MTERF3: variants seen among roughly 807,000 people sequenced by gnomAD.
MTERF3 encodes mitochondrial transcription termination factor 3.
MTERF3 carries 40 observed loss-of-function variants against 40.5 expected under a neutral mutation model. The observed-to-expected ratio is 0.99, with a 90% CI of 0.77 to 1.29. The LOEUF is 1.29. Ranked by LOEUF, MTERF3 falls within the 50% of genes most tolerant of loss-of-function variation. MTERF3 has a pLI of 0.00. For synonymous variants in MTERF3, 158 were observed against 166.6 expected (o/e 0.95, Z 0.40); for missense variants, 452 against 478.2 (o/e 0.95, Z 0.51).
chr8:96,246,617 G>A (rs567697515), intron 4 of MTERF3, among the ~76,000 whole-genome samples, 163 bp from the exon 5 acceptor site: 12 of 152,166 alleles, frequency 7.9e-5, no homozygotes, highest in Non-Finnish European at 1.2e-4. Flanking sequence ...GCAAAAACAC[G>A]TTTAAAACAA....
At position 96,243,933 on chromosome 8, in the gene MTERF3, C is replaced by T; in HGVS notation, c.1045G>A (p.Val349Ile). ...AGTGGCATTACCTGTGGGAACTTGA[C>T]AATGATGTGGTGGGGAATGCTCATC... Reference protein sequence around the residue: ...NVMSIPHHIIVKFPQVFNTRL... With the variant: ...NVMSIPHHIIIKFPQVFNTRL... The change falls in exon 7 of 8, where the codon GTC becomes ATC. Residue 349 changes from valine (V) to isoleucine (I), a missense_variant. Coordinates refer to ENST00000287025, the MANE Select transcript of MTERF3 (RefSeq NM_015942.5). The T allele has an allele frequency of 6.2e-7, 1 of 1,613,746 alleles. No homozygotes were observed. The highest frequency in any genetic ancestry group is 8.5e-7 in the Non-Finnish European group (1 of 1,179,870).
chr8:96,250,681 A>AGG (rs1586169109), intron 4 of MTERF3, among the ~76,000 whole-genome samples: 4 of 23,340 alleles, frequency 1.7e-4, no homozygotes, highest in African/African-American at 5.3e-4. Flanking sequence ...GAAGAAGAAG[A>AGG]AGGAGGAGGA....
At chr8:96,241,990 A>G (rs1371653082) in intron 7 of MTERF3, among the ~76,000 whole-genome samples, 1 of 152,186 alleles carries the variant, frequency 6.6e-6, no homozygotes, top group Non-Finnish European at 1.5e-5. Flanking sequence ...TGAAATGACT[A>G]AATTGATCAT....
intron 7 of MTERF3, among the ~76,000 whole-genome samples, chr8:96,243,672 A>C (rs1809968774): frequency 6.6e-6 from 1 of 152,218 alleles, no homozygotes; most frequent in Non-Finnish European, 1.5e-5. Context: ...TTCCAAAGTA[A>C]AGTAGAGAAA....
chr8:96,258,788 C>A, intron 1 of MTERF3, 88 bp from the exon 2 acceptor site: 1 of 1,012,634 alleles, frequency 9.9e-7, no homozygotes. Flanking sequence ...AAAAGATAAA[C>A]TGGAAATTAT....
At chr8:96,245,298 T>C (rs754167791) in intron 6 of MTERF3, among the ~76,000 whole-genome samples, 3 of 152,194 alleles carry the variant, frequency 2.0e-5, no homozygotes, top group Non-Finnish European at 2.9e-5. Context: ...ATATACTAAC[T>C]AGTCAGCTGC....
At chr8:96,248,012 A>G (rs1810054065) in intron 4 of MTERF3, among the ~76,000 whole-genome samples, 1 of 152,268 alleles carries the variant, frequency 6.6e-6, no homozygotes, top group Admixed American at 6.5e-5. Flanking sequence ...TGATGCTCCA[A>G]CCAACAAATA....
intron 2 of MTERF3, among the ~76,000 whole-genome samples, chr8:96,257,720 A>C (rs1345496906): frequency 6.6e-6 from 1 of 152,200 alleles, no homozygotes; most frequent in Non-Finnish European, 1.5e-5. Context: ...CCTTAAGCTA[A>C]GGAATCAGGT....
chr8:96,243,837 C>T (rs1010726113), intron 7 of MTERF3, 82 bp downstream of exon 7: 35 of 1,419,702 alleles, frequency 2.5e-5, no homozygotes, highest in Middle Eastern at 1.8e-4. Context: ...CTCTTCCCAG[C>T]GTACAGAACT....
At chr8:96,250,621 AAGAAGAAG>A (rs1810135063) in intron 4 of MTERF3, among the ~76,000 whole-genome samples, 1 of 13,726 alleles carries the variant, frequency 7.3e-5, no homozygotes. Flanking sequence ...GAGGCAGAAG[AAGAAGAAG>A]AAGAAGAAGA....
rs1010953135 is a variant in MTERF3 at position 96,250,556 on chromosome 8, C to A, written c.677+350G>T. On this transcript the variant is annotated intron_variant, in intron 4 of 7. Coordinates refer to ENST00000287025, the MANE Select transcript of MTERF3 (RefSeq NM_015942.5). ...CGAAACCCCATCTCTCCTAAAAATACAAAAATTAGCCAGGCATGGTGGCCA... is the reference window on the plus strand; with the variant it reads ...CGAAACCCCATCTCTCCTAAAAATAAAAAAATTAGCCAGGCATGGTGGCCA... Among the ~76,000 whole-genome samples the A allele has an allele frequency of 2.1e-5, 3 of 143,490 alleles. No individual in the cohort carries two copies. In the South Asian group the frequency reaches 6.9e-4, roughly 33 times the overall value. The allele number at this position is 143,490 out of a possible 152,430, so 94.1% of individuals were successfully genotyped here.
intron 1 of MTERF3, among the ~76,000 whole-genome samples, chr8:96,261,243 C>T (rs1810380622): frequency 6.6e-6 from 1 of 152,214 alleles, no homozygotes; most frequent in African/African-American, 2.4e-5. Flanking sequence ...GCCATTTTAG[C>T]CCACTTCAGT....
In MTERF3 at chr8:96,258,369, G is replaced by A; in HGVS notation, c.322C>T (p.Leu108=). ...TQNISSFDSE[L]FLEELDELPP... is the part of the protein sequence containing the mutation. ...AGTTCAGAATTACCTTCTAGAAACA[G>A]CTCAGAATCAAAGCTGGATATATTT... The change falls in exon 2 of 8, where the codon CTG becomes TTG. Residue 108 remains leucine, a synonymous_variant. Coordinates refer to ENST00000287025, the MANE Select transcript of MTERF3 (RefSeq NM_015942.5). The A allele has an allele frequency of 6.2e-7, 1 of 1,609,970 alleles. No individual in the cohort carries two copies. The highest frequency in any genetic ancestry group is 8.5e-7 in the Non-Finnish European group (1 of 1,176,792).
chr8:96,246,001 A>G (rs1810014563), intron 5 of MTERF3, 70 bp from the exon 6 acceptor site: 11 of 1,370,598 alleles, frequency 8.0e-6, no homozygotes, highest in Non-Finnish European at 1.0e-5. Flanking sequence ...AAATTAAGGC[A>G]TTATTAAGAT....
At position 96,246,408 on chromosome 8, in the gene MTERF3, G is replaced by A. The variant is rs754632901; in HGVS notation, c.724C>T (p.Gln242Ter). The A allele has an allele frequency of 1.2e-6, 2 of 1,612,296 alleles. No homozygotes were observed. The highest frequency in any genetic ancestry group is 4.5e-5 in the East Asian group (2 of 44,738). Residue 242 changes from glutamine (Q) to a stop codon, truncating the protein, a stop_gained, in exon 5 of 8, where the codon CAG becomes TAG. Transcript: ENST00000287025. LOFTEE classifies it high-confidence loss of function. ...SKNFSKADVA[Q>*]MVRKAPFLLN... ...AAAAATGGTGCTTTTCTGACCATCT[G>A]TGCAACATCTGCTTTACTGAAATTT... is the stretch of plus-strand genomic sequence containing the variant.
At position 96,258,645 on chromosome 8, in the gene MTERF3, T is replaced by G. The variant is rs762597663; in HGVS notation, c.46A>C (p.Lys16Gln). The change falls in exon 2 of 8, where the codon AAG becomes CAG. Residue 16 changes from lysine to glutamine, a missense_variant. Transcript: ENST00000287025. Reference sequence around the variant, plus strand: ...GCAGCATTAATGAGGCTCCTCAACTTAACTGAGTTAAACCATCTGGGTATC... The same window carrying G: ...GCAGCATTAATGAGGCTCCTCAACTGAACTGAGTTAAACCATCTGGGTATC... Reference protein sequence around the residue: ...QQIPRWFNSVKLRSLINAAQL... With the variant: ...QQIPRWFNSVQLRSLINAAQL... 6.2e-7 allele frequency: 1 copy of G among 1,613,802 alleles called. No individual in the cohort carries two copies. Among genetic ancestry groups the G allele is most frequent in the East Asian group, 2.2e-5 (1 of 44,872 alleles).
intron 7 of MTERF3, among the ~76,000 whole-genome samples, chr8:96,240,863 G>C (rs1432564294): frequency 6.6e-6 from 1 of 152,120 alleles, no homozygotes; most frequent in Non-Finnish European, 1.5e-5. Context: ...CAGTTGGAAA[G>C]GACACTATGA....
intron 4 of MTERF3, among the ~76,000 whole-genome samples, 193 bp downstream of exon 4, chr8:96,250,694 AGGGGGGGAGGGGGAGGGGG>A (rs1586169275): frequency 2.9e-3 from 49 of 17,164 alleles, no homozygotes; most frequent in South Asian, 4.3e-3. Flanking sequence ...GAGGAGGAGG[AGGGGGGGAGGGGGAGGGGG>A]AGAAGAAGAA....
chr8:96,246,939 G>A (rs897452657), intron 4 of MTERF3, among the ~76,000 whole-genome samples: 2 of 149,948 alleles, frequency 1.3e-5, no homozygotes, highest in African/African-American at 2.5e-5. Flanking sequence ...GCATTTTTTA[G>A]GTTAGTATAT....
Sources: gnomAD v4.1 joint callset for allele counts (sites outside exome capture counted in the v4.1 genomes callset) on GRCh38, gnomAD v4.1.1 for gene constraint, MANE v1.5 for transcripts, NCBI Gene and HGNC (gene_info 2026-07-23, HGNC 2026-07-21) for gene names.